The following SIDT2 variants were observed in gnomAD, a reference collection of about 807,000 sequenced individuals.
SIDT2 encodes SID1 transmembrane family member 2.
A neutral mutation model predicts 114.4 loss-of-function variants in SIDT2; 68 were observed. The ratio of observed to expected loss-of-function variants is 0.59; its 90% CI spans 0.49 to 0.73. The LOEUF is 0.73. SIDT2 is among the 30% of genes least tolerant of loss of function. The probability of loss-of-function intolerance (pLI) is 0.00; values close to 1 mark genes in which losing one functional copy is unlikely to be tolerated. For missense variants in SIDT2, 918 were observed against 1,097.1 expected (o/e 0.84, Z 2.31); for synonymous variants, 470 against 438.4 (o/e 1.07, Z -0.90).
At chr11:117,181,769 A>G (rs1351571381) in intron 2 of SIDT2, 38 bp from the exon 3 acceptor site, 3 of 1,613,420 alleles carry the variant, frequency 1.9e-6, no homozygotes, top group African/African-American at 2.7e-5. Context: ...GCCGGCTGGG[A>G]CAGTGCTCAC....
In SIDT2 at chr11:117,188,186, C is replaced by T. The variant is rs571613369; in HGVS notation, c.1159+487C>T. 1.3e-4 allele frequency: 47 copies of T among 359,964 alleles called. No homozygotes were observed. Among genetic ancestry groups the T allele is most frequent in the Non-Finnish European group, 2.2e-4 (40 of 183,662 alleles). The allele number at this position is 359,964 out of a possible 1,614,324, so 22.3% of individuals were successfully genotyped here. On this transcript the variant is annotated intron_variant, in intron 12 of 25. Transcript: ENST00000324225. The surrounding 1 kb of genome is among the most constrained non-coding windows in gnomAD (Gnocchi z 4.0). ...CAATCTAGTTTATCGTCTGCGTTGC[C>T]AGCGCCCTCACTCCCTGGCCTGCTT...
Position 117,192,707 on chromosome 11 carries a change from G to A in SIDT2, c.2058+57G>A. On this transcript the variant is annotated intron_variant, in intron 21 of 25. Coordinates refer to ENST00000324225, the MANE Select transcript of SIDT2 (RefSeq NM_001040455.2). The surrounding 1 kb of genome is among the most constrained non-coding windows in gnomAD (Gnocchi z 5.9). ...ACATCTCCTTTCTTCCCTCTGATGG[G>A]GGAGTGGGGCTGGGCTGAGGACCCA... 4 of 1,612,738 alleles carry A rather than the reference G, an allele frequency of 2.5e-6. No homozygotes were observed. The highest frequency in any genetic ancestry group is 2.5e-6 in the Non-Finnish European group (3 of 1,179,448).
In SIDT2 at chr11:117,188,417, T is replaced by G. The variant is rs201132121; in HGVS notation, c.1160-291T>G. ...TGTGTCTGCTGCCTGGGGTCTGCCT[T>G]GTGTCCTGGCCTGGGAAGCCCTAGC... On this transcript the variant is annotated intron_variant, in intron 12 of 25. Transcript: ENST00000324225. The surrounding 1 kb of genome is among the most constrained non-coding windows in gnomAD (Gnocchi z 4.0). The G allele has an allele frequency of 2.3e-5, 11 of 479,412 alleles. No individual in the cohort carries two copies. The highest frequency in any genetic ancestry group is 3.8e-5 in the Non-Finnish European group (10 of 263,884). The allele number at this position is 479,412 out of a possible 1,614,324, so 29.7% of individuals were successfully genotyped here.
chr11:117,181,189 C>T lies in SIDT2; in HGVS notation c.184-227C>T, dbSNP rs545531789. Among the ~76,000 whole-genome samples, 6 of 152,200 alleles carry T rather than the reference C, an allele frequency of 3.9e-5. No individual in the cohort carries two copies. The East Asian group carries it at 7.8e-4, about 20-fold the overall frequency. On this transcript the variant is annotated intron_variant, in intron 1 of 25. Transcript: ENST00000324225. ...GGTGAGACCCTGCGGTTGCTTGGGT[C>T]CTGCTGCCCTGCACATGTCTGCCGG...
chr11:117,190,546 AG>A lies in SIDT2; in HGVS notation c.1618-74del. 1.6e-6 allele frequency: 2 copies of A among 1,268,240 alleles called. No individual in the cohort carries two copies. Among genetic ancestry groups the A allele is most frequent in the Non-Finnish European group, 2.2e-6 (2 of 905,054 alleles). 78.6% of individuals were successfully genotyped at this position (1,268,240 alleles called of 1,614,324 possible). ...CCCCTTTTCCTCTTCCACTCCTCTT[AG>A]GGTCCCTCTTTTGGGTCCCTTCTTC... is the stretch of plus-strand genomic sequence containing the variant. On this transcript the variant is annotated intron_variant, in intron 17 of 25. Coordinates refer to ENST00000324225, the MANE Select transcript of SIDT2 (RefSeq NM_001040455.2). This position sits in a 1 kb window ranked among gnomAD's most constrained non-coding sequence, Gnocchi z 4.1.
At position 117,192,925 on chromosome 11, in the gene SIDT2, A is replaced by G; in HGVS notation, c.2105+59A>G. 1 of 1,605,928 alleles carries G rather than the reference A, an allele frequency of 6.2e-7. No individual in the cohort carries two copies. Among genetic ancestry groups the G allele is most frequent in the Non-Finnish European group, 8.5e-7 (1 of 1,172,690 alleles). ...TGGACAGCTGGGGACTCGGTCAGCC[A>G]CTGGCTGCCTTGGGGGCTAAGGACA... On this transcript the variant is annotated intron_variant, in intron 22 of 25. Transcript: ENST00000324225. This position sits in a 1 kb window ranked among gnomAD's most constrained non-coding sequence, Gnocchi z 5.9.
At chr11:117,195,637 G>C (rs2269399) in intron 24 of SIDT2, among the ~76,000 whole-genome samples, 165 bp from the exon 25 acceptor site, 18,233 of 152,196 alleles carry the variant, frequency 0.12, 1,656 homozygotes, top group African/African-American at 0.26. Context: ...AAGGCCATTT[G>C]TTAGATCGGG....
chr11:117,186,092 G>A lies in SIDT2; in HGVS notation c.869-38G>A, dbSNP rs953550915. 2.5e-6 allele frequency: 4 copies of A among 1,569,372 alleles called. No individual in the cohort carries two copies. The African/African-American group carries it at 4.1e-5, about 16-fold the overall frequency. The stretch of plus-strand genomic sequence containing the variant: ...GGTGCCATGATGGGAGGTGGTGGAA[G>A]GTTTTGACCTGTCCACCTTCCTGTT... On this transcript the variant is annotated intron_variant, in intron 8 of 25. Transcript: ENST00000324225.
At chr11:117,181,763 G>T (rs769879318) in intron 2 of SIDT2, 44 bp from the exon 3 acceptor site, 2 of 1,613,024 alleles carry the variant, frequency 1.2e-6, no homozygotes, top group South Asian at 2.2e-5. Context: ...GGGCAGGCCG[G>T]CTGGGACAGT....
intron 8 of SIDT2, 96 bp from the exon 9 acceptor site, chr11:117,186,027 GAGAGATT>G: frequency 2.2e-6 from 2 of 914,070 alleles, no homozygotes; most frequent in Non-Finnish European, 3.5e-6. Flanking sequence ...GGAGAAGGGT[GAGAGATT>G]GAGCTGGGTG....
Position 117,187,848 on chromosome 11 carries a change from C to T in SIDT2, c.1159+149C>T, listed in dbSNP as rs768245686. The T allele has an allele frequency of 1.2e-5, 9 of 771,000 alleles. No homozygotes were observed. In the East Asian group the frequency reaches 2.1e-4, roughly 18 times the overall value. The allele number at this position is 771,000 out of a possible 1,614,324, so 47.8% of individuals were successfully genotyped here. ...AACCCCTCTCTTCCCTCATCCCCTC[C>T]TCCTTGGCCCCAGTTCCCTGGTAAC... is the stretch of plus-strand genomic sequence containing the variant. On this transcript the variant is annotated intron_variant, in intron 12 of 25. Coordinates refer to ENST00000324225, the MANE Select transcript of SIDT2 (RefSeq NM_001040455.2).
Position 117,192,060 on chromosome 11 carries a change from G to A in SIDT2, c.1872+46G>A. On this transcript the variant is annotated intron_variant, in intron 19 of 25. Transcript: ENST00000324225. This position sits in a 1 kb window ranked among gnomAD's most constrained non-coding sequence, Gnocchi z 5.9. ...GCTCAGCCTGTATGATAGGAAAGGT[G>A]CACGTGCGTTCAGACACGTAGTGCA... 1 of 1,611,096 alleles carries A rather than the reference G, an allele frequency of 6.2e-7. No individual in the cohort carries two copies. Among genetic ancestry groups the A allele is most frequent in the Non-Finnish European group, 8.5e-7 (1 of 1,178,174 alleles).
At chr11:117,191,657 CAGG>C in intron 18 of SIDT2, 1 of 608,712 alleles carries the variant, frequency 1.6e-6, no homozygotes, top group Non-Finnish European at 2.9e-6. Context: ...TCCCTGTTTT[CAGG>C]AGATGTCAGA....
rs752091808 is a variant in SIDT2, at chr11:117,188,661, G to C, written c.1160-47G>C. ...GCCTCAGATGGGCGAGGGCCACTGT[G>C]GGTTTTGTGTCCACCGGTGCAACCC... On this transcript the variant is annotated intron_variant, in intron 12 of 25. Transcript: ENST00000324225. The surrounding 1 kb of genome is among the most constrained non-coding windows in gnomAD (Gnocchi z 4.0). 6.9e-7 allele frequency: 1 copy of C among 1,445,398 alleles called. No homozygotes were observed. The highest frequency in any genetic ancestry group is 9.7e-7 in the Non-Finnish European group (1 of 1,026,742). 89.5% of individuals were successfully genotyped at this position (1,445,398 alleles called of 1,614,324 possible).
chr11:117,192,294 C>G lies in SIDT2; in HGVS notation c.1913C>G (p.Ser638Cys). ...KGNTAFWIVF[S>C]IIHIIATLLL... ...AACACGGCGTTCTGGATCGTCTTCT[C>G]CATCATTCACATCATCGCCACCCTG... The change falls in exon 20 of 26, where the codon TCC (serine) becomes TGC (cysteine). Residue 638 changes from serine to cysteine, a missense_variant. By Grantham distance (112) the Ser-to-Cys change is moderately radical (BLOSUM62 -1). Transcript: ENST00000324225. This position sits in a 1 kb window ranked among gnomAD's most constrained non-coding sequence, Gnocchi z 5.9. 1 of 1,612,916 alleles carries G rather than the reference C, an allele frequency of 6.2e-7. No individual in the cohort carries two copies. The highest frequency in any genetic ancestry group is 8.5e-7 in the Non-Finnish European group (1 of 1,178,956).
Position 117,178,842 on chromosome 11 carries a change from A to G in SIDT2, c.-422A>G, listed in dbSNP as rs1374400075. 2.1e-5 allele frequency: 4 copies of G among 187,990 alleles called. No individual in the cohort carries two copies. Among genetic ancestry groups the G allele is most frequent in the Non-Finnish European group, 4.5e-5 (4 of 89,588 alleles). The allele number at this position is 187,990 out of a possible 1,614,324, so 11.6% of individuals were successfully genotyped here. A position where few individuals can be genotyped will look rare whatever the true frequency, so the allele number is the denominator to read the frequency against. On this transcript the variant is annotated 5_prime_UTR_variant, in exon 1 of 26. Transcript: ENST00000324225. ...CGGCGTCGGGTAGCTACCACCTATC[A>G]CGCCCCTCACTCTGCGACTCGCCTT...
At chr11:117,183,917 G>A (rs373539110) in intron 7 of SIDT2, 39 bp downstream of exon 7, 5 of 1,558,276 alleles carry the variant, frequency 3.2e-6, no homozygotes, top group Non-Finnish European at 4.4e-6. Context: ...GGATGGGGAG[G>A]TCTTGGTCAC....
At chr11:117,187,216 G>C (rs1285510921) in intron 10 of SIDT2, among the ~76,000 whole-genome samples, 162 bp from the exon 11 acceptor site, 1 of 151,958 alleles carries the variant, frequency 6.6e-6, no homozygotes, top group Non-Finnish European at 1.5e-5. Flanking sequence ...GGGGCGGGTG[G>C]TGGTGGCAGC....
chr11:117,186,662 C>T (rs199968814), intron 10 of SIDT2, 26 bp downstream of exon 10: 172 of 1,397,002 alleles, frequency 1.2e-4, no homozygotes, highest in East Asian at 1.5e-4. Context: ...CTGGGTGGGG[C>T]GGGCACAGTG....
Sources: allele counts gnomAD v4.1 joint callset (sites outside exome capture counted in the v4.1 genomes callset), GRCh38; gene constraint gnomAD v4.1.1; non-coding constraint Gnocchi (gnomAD v3.1); transcripts MANE v1.5; gene names NCBI Gene and HGNC (gene_info 2026-07-23, HGNC 2026-07-21).